SGCZ: variants seen among roughly 807,000 people sequenced by gnomAD.
SGCZ encodes the protein sarcoglycan zeta, also known as zeta-sarcoglycan.
In SGCZ, 40 loss-of-function variants were observed where a neutral mutation model predicts 41.3. The ratio of observed to expected loss-of-function variants is 0.97; its 90% CI spans 0.75 to 1.26. The LOEUF (loss-of-function observed/expected upper bound fraction) is 1.26. SGCZ is among the 50% of genes most tolerant of loss of function. SGCZ has a pLI of 0.00. For missense variants in SGCZ, 552 were observed against 369.8 expected (o/e 1.49, Z -4.04); for synonymous variants, 206 against 137.5 (o/e 1.50, Z -3.49).
At chr8:14,871,920 GTGTGTATATATATGTATA>G (rs1804169730) in intron 1 of SGCZ, among the ~76,000 whole-genome samples, 1 of 150,860 alleles carries the variant, frequency 6.6e-6, no homozygotes, top group African/African-American at 2.4e-5. Flanking sequence ...ATATATATGT[GTGTGTATATATATGTATA>G]TGTGTATATA....
At chr8:14,710,362 T>A (rs1224186550) in intron 1 of SGCZ, among the ~76,000 whole-genome samples, 2 of 100,962 alleles carry the variant, frequency 2.0e-5, no homozygotes, top group Admixed American at 1.4e-4. Context: ...AGAGCGAGAC[T>A]CCGCATCAAA....
chr8:14,181,635 G>C (rs1804730245), intron 4 of SGCZ, among the ~76,000 whole-genome samples: 2 of 152,222 alleles, frequency 1.3e-5, no homozygotes, highest in Non-Finnish European at 2.9e-5. Flanking sequence ...CTGTTCTCAT[G>C]GTAGTGAATG....
intron 2 of SGCZ, among the ~76,000 whole-genome samples, chr8:14,495,897 T>A (rs1801973987): frequency 6.6e-6 from 1 of 152,012 alleles, no homozygotes; most frequent in Admixed American, 6.6e-5. Context: ...AGCAGCTGAG[T>A]CCATCCCTAA....
intron 2 of SGCZ, among the ~76,000 whole-genome samples, chr8:14,412,060 T>G (rs1051493469): frequency 6.6e-5 from 10 of 152,114 alleles, no homozygotes; most frequent in African/African-American, 9.7e-5. Flanking sequence ...ATAAAGCCAG[T>G]GTTGACCTCA....
rs146387304 is a variant in SGCZ, at chr8:14,877,965, G to A, written c.40-323039C>T. Among the ~76,000 whole-genome samples, 4 of 152,052 alleles carry A rather than the reference G, an allele frequency of 2.6e-5. No homozygotes were observed. The East Asian group carries it at 7.8e-4, about 30-fold the overall frequency. Reference sequence around the variant, plus strand: ...AATCAGTACTGTTGAGAAGTGGGCTGTACTGAGATGAATATCCTTTTAAAC... The same window carrying A: ...AATCAGTACTGTTGAGAAGTGGGCTATACTGAGATGAATATCCTTTTAAAC... On this transcript the variant is annotated intron_variant, in intron 1 of 7. Transcript: ENST00000382080.
rs1380443779 is a variant in SGCZ, at chr8:14,367,435, C to G, written c.235-43231G>C. Among the ~76,000 whole-genome samples the G allele has an allele frequency of 2.6e-5, 4 of 152,072 alleles. No homozygotes were observed. The East Asian group carries it at 7.7e-4, about 29-fold the overall frequency. The stretch of plus-strand genomic sequence containing the variant: ...ACATTTTGAGCTCTCTCTATAGCAG[C>G]ACCCCACTCTCTGTAGTACCAATTT... On this transcript the variant is annotated intron_variant, in intron 2 of 7. Coordinates refer to ENST00000382080, the MANE Select transcript of SGCZ (RefSeq NM_139167.4).
chr8:15,203,767 C>A (rs1279547161), intron 1 of SGCZ, among the ~76,000 whole-genome samples: 1 of 152,134 alleles, frequency 6.6e-6, no homozygotes, highest in South Asian at 2.1e-4. Context: ...AGATCAATAA[C>A]CTCCTTGTCC....
chr8:14,596,455 C>A (rs1339501301), intron 1 of SGCZ, among the ~76,000 whole-genome samples: 2 of 151,904 alleles, frequency 1.3e-5, no homozygotes, highest in Non-Finnish European at 2.9e-5. Flanking sequence ...TTTGACATAC[C>A]AGATCTGTAT....
chr8:14,214,749 C>T (rs1425633041), intron 4 of SGCZ, among the ~76,000 whole-genome samples: 1 of 151,368 alleles, frequency 6.6e-6, no homozygotes, highest in East Asian at 1.9e-4. Context: ...TATTATAAAG[C>T]AAAGAATATT....
At chr8:15,045,905 A>G (rs567664605) in intron 1 of SGCZ, among the ~76,000 whole-genome samples, 1 of 152,206 alleles carries the variant, frequency 6.6e-6, no homozygotes, top group African/African-American at 2.4e-5. Flanking sequence ...CTTTAATGAG[A>G]TAAACTAATA....
At chr8:15,071,698 C>T (rs1377298424) in intron 1 of SGCZ, among the ~76,000 whole-genome samples, 2 of 152,064 alleles carry the variant, frequency 1.3e-5, no homozygotes, top group Admixed American at 6.5e-5. Flanking sequence ...TGGGTACCAA[C>T]CTCAAAGTTA....
intron 3 of SGCZ, among the ~76,000 whole-genome samples, chr8:14,263,126 T>C (rs1199859900): frequency 2.0e-5 from 3 of 152,184 alleles, no homozygotes; most frequent in Non-Finnish European, 4.4e-5. Context: ...AGTTAAGATA[T>C]TAAACACTAC....
At chr8:15,156,057 C>CAAAAAAAAAAAA (rs67378130) in intron 1 of SGCZ, among the ~76,000 whole-genome samples, 47 of 110,868 alleles carry the variant, frequency 4.2e-4, no homozygotes, top group Middle Eastern at 5.5e-3. Context: ...GATTCCCTCT[C>CAAAAAAAAAAAA]AAAAAAAAAA....
chr8:14,295,723 G>A (rs1034868294), intron 3 of SGCZ, among the ~76,000 whole-genome samples: 1 of 152,052 alleles, frequency 6.6e-6, no homozygotes, highest in African/African-American at 2.4e-5. Context: ...TCTGCCTGAG[G>A]TACTTTCCAA....
At chr8:14,498,571 CT>C (rs1301742890) in intron 2 of SGCZ, among the ~76,000 whole-genome samples, 2 of 151,988 alleles carry the variant, frequency 1.3e-5, no homozygotes, top group Non-Finnish European at 2.9e-5. Flanking sequence ...TTCTTTAATT[CT>C]TTTGCCTTTT....
intron 1 of SGCZ, among the ~76,000 whole-genome samples, chr8:14,736,819 ATGGC>A (rs779529425): frequency 1.2e-4 from 19 of 152,108 alleles, no homozygotes; most frequent in Non-Finnish European, 2.1e-4. Flanking sequence ...TTCTTTTTTT[ATGGC>A]TGAGTAAAGA....
chr8:15,058,363 T>A (rs147832410), intron 1 of SGCZ, among the ~76,000 whole-genome samples: 2 of 152,136 alleles, frequency 1.3e-5, no homozygotes, highest in Non-Finnish European at 2.9e-5. Flanking sequence ...TGAATCACAT[T>A]CTTACATTTA....
intron 1 of SGCZ, among the ~76,000 whole-genome samples, chr8:14,791,307 A>G (rs1047210317): frequency 1.3e-5 from 2 of 151,980 alleles, no homozygotes; most frequent in African/African-American, 4.8e-5. Flanking sequence ...TCTGACATTG[A>G]GCACATATGC....
At chr8:14,990,227 C>A (rs547722569) in intron 1 of SGCZ, among the ~76,000 whole-genome samples, 4 of 152,180 alleles carry the variant, frequency 2.6e-5, no homozygotes, top group Admixed American at 1.3e-4. Flanking sequence ...AATATAAACC[C>A]AAAATTTAGT....
Sources: gnomAD v4.1 joint callset for allele counts (sites outside exome capture counted in the v4.1 genomes callset) on GRCh38, gnomAD v4.1.1 for gene constraint, MANE v1.5 for transcripts, NCBI Gene and HGNC (gene_info 2026-07-23, HGNC 2026-07-21) for gene names.